The following TP63 variants were observed in gnomAD, a reference collection of about 807,000 sequenced individuals.
The protein encoded by TP63 is tumor protein 63.
Under a neutral mutation model 82.8 loss-of-function variants are expected in TP63, and 17 were observed. That is an observed-to-expected ratio of 0.21 (90% CI 0.14 to 0.31). TP63 has a LOEUF of 0.31. Among genes scored for constraint, TP63 ranks in the 10% least tolerant of loss-of-function variants. The pLI, the probability that TP63 is intolerant of heterozygous loss-of-function variation, is 1.00. For missense variants in TP63, 648 were observed against 895.3 expected (o/e 0.72, Z 3.52); for synonymous variants, 330 against 321.7 (o/e 1.03, Z -0.28).
intron 3 of TP63, among the ~76,000 whole-genome samples, chr3:189,806,972 A>G (rs528691562): frequency 6.6e-6 from 1 of 152,324 alleles, no homozygotes; most frequent in East Asian, 1.9e-4. Flanking sequence ...GTTCTTCTCT[A>G]TAGTTTTACT....
intron 4 of TP63, among the ~76,000 whole-genome samples, chr3:189,821,682 G>A (rs1475777549): frequency 6.6e-6 from 1 of 152,126 alleles, no homozygotes; most frequent in Non-Finnish European, 1.5e-5. Flanking sequence ...TGTGGTTGTA[G>A]GGCATAGATT....
chr3:189,870,783 C>G (rs1191697222), intron 9 of TP63, among the ~76,000 whole-genome samples: 1 of 152,076 alleles, frequency 6.6e-6, no homozygotes, highest in East Asian at 1.9e-4. Context: ...GCTGGCATAG[C>G]CCTTGATGCC....
At chr3:189,746,083 G>A (rs1721353448) in intron 3 of TP63, among the ~76,000 whole-genome samples, 1 of 151,950 alleles carries the variant, frequency 6.6e-6, no homozygotes, top group African/African-American at 2.4e-5. Flanking sequence ...AATAGACACA[G>A]TTCAGAAAGG....
At chr3:189,864,598 A>T (rs1577136471) in intron 5 of TP63, among the ~76,000 whole-genome samples, 180 bp downstream of exon 5, 2 of 140,552 alleles carry the variant, frequency 1.4e-5, no homozygotes, top group South Asian at 2.2e-4. Flanking sequence ...TGATAAATAA[A>T]TTCATGGCTT....
At position 189,831,715 on chromosome 3, in the gene TP63, A is replaced by G. The variant is rs192590483; in HGVS notation, c.579+23189A>G. ...TCTAATACGAGAACACTGTAATTAA[A>G]GTGGTATTTGGCTGATAAGTAGTAG... On this transcript the variant is annotated intron_variant, in intron 4 of 13. Transcript: ENST00000264731. 1.5e-3 allele frequency among the ~76,000 whole-genome samples: 232 copies of G among 151,876 alleles called. 2 individuals carry two copies. The highest frequency in any genetic ancestry group is 1.9e-3 in the Non-Finnish European group (128 of 67,970).
chr3:189,864,910 G>A (rs1717513218), intron 5 of TP63, among the ~76,000 whole-genome samples: 1 of 152,070 alleles, frequency 6.6e-6, no homozygotes, highest in African/African-American at 2.4e-5. Flanking sequence ...GGGAGGCTGA[G>A]GCAGGAGAAT....
chr3:189,651,697 A>T (rs1469015511), intron 1 of TP63, among the ~76,000 whole-genome samples: 2 of 146,760 alleles, frequency 1.4e-5, no homozygotes, highest in Non-Finnish European at 3.0e-5. Context: ...CATCAGAGAC[A>T]TTCACAGCAG....
chr3:189,671,827 G>A (rs2108674396), intron 1 of TP63, among the ~76,000 whole-genome samples: 1 of 152,144 alleles, frequency 6.6e-6, no homozygotes, highest in East Asian at 1.9e-4. Context: ...TCATATGTGG[G>A]GGCTAAAAAT....
At chr3:189,635,595 G>T (rs1361901600) in intron 1 of TP63, among the ~76,000 whole-genome samples, 3 of 151,988 alleles carry the variant, frequency 2.0e-5, no homozygotes, top group Admixed American at 2.0e-4. Context: ...TTGGCTAAAG[G>T]CTGCAGATCC....
intron 10 of TP63, chr3:189,880,117 C>G: frequency 6.2e-7 from 1 of 1,613,858 alleles, no homozygotes; most frequent in Non-Finnish European, 8.5e-7. Context: ...AGAGAAACTC[C>G]AAAACAATCT....
intron 11 of TP63, 49 bp from the exon 12 acceptor site, chr3:189,889,291 G>A (rs778034963): frequency 6.2e-7 from 1 of 1,613,966 alleles, no homozygotes; most frequent in East Asian, 2.2e-5. Context: ...TGGGATGCTG[G>A]TACATGATGA....
At chr3:189,764,893 C>T (rs1722825944) in intron 3 of TP63, among the ~76,000 whole-genome samples, 1 of 152,122 alleles carries the variant, frequency 6.6e-6, no homozygotes, top group Non-Finnish European at 1.5e-5. Context: ...GAATGGAGCG[C>T]ACTTTGTTCT....
chr3:189,795,798 T>C (rs150673622), intron 3 of TP63, among the ~76,000 whole-genome samples: 268 of 152,144 alleles, frequency 1.8e-3, no homozygotes, highest in African/African-American at 6.2e-3. Flanking sequence ...CTTCACATAC[T>C]CTAGGGATGA....
chr3:189,601,255 C>T, the TP63 span, among the ~76,000 whole-genome samples: 1 of 152,210 alleles, frequency 6.6e-6, no homozygotes, highest in East Asian at 1.9e-4. Flanking sequence ...TTTAAAGCTT[C>T]TAAATTGTTT....
intron 4 of TP63, among the ~76,000 whole-genome samples, chr3:189,843,807 C>T (rs1714486936): frequency 6.6e-6 from 1 of 152,172 alleles, no homozygotes; most frequent in Non-Finnish European, 1.5e-5. Flanking sequence ...TGCAGTAAGT[C>T]AGTGGGCAGG....
chr3:189,827,724 G>A (rs1020194607), intron 4 of TP63, among the ~76,000 whole-genome samples: 4 of 152,190 alleles, frequency 2.6e-5, no homozygotes, highest in African/African-American at 9.7e-5. Flanking sequence ...GGAGTAGCAG[G>A]AAATGAGGCT....
At chr3:189,688,619 G>A (rs1236098185) in intron 1 of TP63, among the ~76,000 whole-genome samples, 2 of 152,160 alleles carry the variant, frequency 1.3e-5, no homozygotes, top group African/African-American at 4.8e-5. Context: ...ACTGATAGGG[G>A]TCAATGCTGC....
intron 1 of TP63, among the ~76,000 whole-genome samples, chr3:189,704,685 G>T (rs1718069896): frequency 6.6e-6 from 1 of 152,144 alleles, no homozygotes; most frequent in Non-Finnish European, 1.5e-5. Flanking sequence ...CACAGAATAG[G>T]CTCTCAATAA....
intron 1 of TP63, among the ~76,000 whole-genome samples, chr3:189,684,105 AT>A (rs1716207456): frequency 6.6e-6 from 1 of 152,186 alleles, no homozygotes; most frequent in Admixed American, 6.5e-5. Flanking sequence ...TTCTGTACAA[AT>A]ATAACAACAC....
Sources: allele counts gnomAD v4.1 joint callset (sites outside exome capture counted in the v4.1 genomes callset), GRCh38; gene constraint gnomAD v4.1.1; transcripts MANE v1.5; gene names NCBI Gene and HGNC (gene_info 2026-07-23, HGNC 2026-07-21).